The following PRICKLE2 variants were observed in gnomAD, a reference collection of about 807,000 sequenced individuals.
PRICKLE2 encodes the protein prickle-like protein 2.
A neutral mutation model predicts 81.4 loss-of-function variants in PRICKLE2; 21 were observed. That is an observed-to-expected ratio of 0.26 (90% CI 0.18 to 0.37). The LOEUF (loss-of-function observed/expected upper bound fraction) is 0.37, where lower values mean the gene tolerates loss of function less well. PRICKLE2 is among the 10% of genes least tolerant of loss of function. The pLI is 1.00. For synonymous variants in PRICKLE2, 456 were observed against 421.5 expected (o/e 1.08, Z -1.00); for missense variants, 940 against 1,109.0 (o/e 0.85, Z 2.16).
At chr3:64,173,514 C>T (rs534140851) in intron 2 of PRICKLE2, among the ~76,000 whole-genome samples, 1 of 152,020 alleles carries the variant, frequency 6.6e-6, no homozygotes, top group Non-Finnish European at 1.5e-5. Context: ...TTCATAATGG[C>T]TGTATTTAAC....
rs1168677008 is a variant in PRICKLE2, at chr3:64,093,014, G to GT, written c.*6036dup. Reference sequence around the variant, plus strand: ...AATGAAACTCTATACCCATTAAATAGTAACTCCCCATTCCCTCCTCCCTTC... The same window carrying GT: ...AATGAAACTCTATACCCATTAAATAGTTAACTCCCCATTCCCTCCTCCCTTC... On this transcript the variant is annotated 3_prime_UTR_variant, in exon 8 of 8. Coordinates refer to ENST00000638394, the MANE Select transcript of PRICKLE2 (RefSeq NM_198859.4). 6.5e-6 allele frequency: 1 copy of GT among 153,160 alleles called. No homozygotes were observed. The highest frequency in any genetic ancestry group is 2.1e-4 in the South Asian group (1 of 4,862). The allele number at this position is 153,160 out of a possible 1,614,324, so 9.5% of individuals were successfully genotyped here.
chr3:64,253,863 G>A (rs539902553), intron 2 of PRICKLE2, among the ~76,000 whole-genome samples: 4 of 152,242 alleles, frequency 2.6e-5, no homozygotes, highest in African/African-American at 7.2e-5. Context: ...CATGAGATCC[G>A]CTGGCCAGTG....
Position 64,165,966 on chromosome 3 carries a change from GTGTGTGTGTGTGTGTGTGTGT to G in PRICKLE2, c.145-2858_145-2838del, listed in dbSNP as rs2077823168. Among the ~76,000 whole-genome samples, 84 of 121,078 alleles carry G rather than the reference GTGTGTGTGTGTGTGTGTGTGT, an allele frequency of 6.9e-4. 1 individual carries two copies. Among genetic ancestry groups the G allele is most frequent in the Non-Finnish European group, 9.4e-4 (52 of 55,280 alleles). The allele number at this position is 121,078 out of a possible 152,430, so 79.4% of individuals were successfully genotyped here. ...AAAAATGGCAAACTGTTATAAAGGT[GTGTGTGTGTGTGTGTGTGTGT>G]GTGTGTGTGTGTGTGTGTGTGTGTG... On this transcript the variant is annotated intron_variant, in intron 2 of 7. Coordinates refer to ENST00000638394, the MANE Select transcript of PRICKLE2 (RefSeq NM_198859.4).
intron 6 of PRICKLE2, among the ~76,000 whole-genome samples, chr3:64,151,592 T>C (rs1190030791): frequency 6.6e-6 from 1 of 152,194 alleles, no homozygotes; most frequent in African/African-American, 2.4e-5. Context: ...AGGGGTATTG[T>C]TGCCATGGGC....
chr3:64,137,458 C>T (rs2077295332), intron 7 of PRICKLE2, among the ~76,000 whole-genome samples: 1 of 152,146 alleles, frequency 6.6e-6, no homozygotes, highest in African/African-American at 2.4e-5. Context: ...ATCTTTTCTC[C>T]CTGTCAGCAG....
In PRICKLE2 at chr3:64,094,491, C is replaced by T. The variant is rs1027301127; in HGVS notation, c.*4560G>A. On this transcript the variant is annotated 3_prime_UTR_variant, in exon 8 of 8. Transcript: ENST00000638394. The stretch of plus-strand genomic sequence containing the variant: ...CGTATTCAAAACACAGGAATGTTTT[C>T]CTAACACTATGTGACTTTCCCCTCC... 6.6e-6 allele frequency: 1 copy of T among 152,206 alleles called. No homozygotes were observed. The highest frequency in any genetic ancestry group is 2.4e-5 in the African/African-American group (1 of 41,454). 9.4% of individuals were successfully genotyped at this position (152,206 alleles called of 1,614,324 possible).
intron 2 of PRICKLE2, among the ~76,000 whole-genome samples, chr3:64,179,175 C>T (rs1372726450): frequency 1.3e-5 from 2 of 151,980 alleles, no homozygotes; most frequent in Non-Finnish European, 2.9e-5. Flanking sequence ...CTCCTGGGTT[C>T]AAGTGATTCT....
chr3:64,220,115 A>G (rs1198939956), intron 1 of PRICKLE2, among the ~76,000 whole-genome samples: 1 of 152,218 alleles, frequency 6.6e-6, no homozygotes, highest in African/African-American at 2.4e-5. Flanking sequence ...AAACCTTACC[A>G]GATTTTGTGA....
chr3:64,236,815 G>A lies in PRICKLE2; in HGVS notation c.129-37848C>T, dbSNP rs548776266. Among the ~76,000 whole-genome samples the A allele has an allele frequency of 9.8e-5, 15 of 152,304 alleles. No homozygotes were observed. In the South Asian group the frequency reaches 2.7e-3, roughly 27 times the overall value. On this transcript the variant is annotated intron_variant, in intron 2 of 8. Coordinates refer to the PRICKLE2 transcript ENST00000295902. ...TCCTCTGAAAAACATGAATGACGGT[G>A]ACAATTGTATTATCTTCACAAAGCA...
intron 5 of PRICKLE2, among the ~76,000 whole-genome samples, chr3:64,156,315 T>C (rs2077634482): frequency 6.6e-6 from 1 of 152,180 alleles, no homozygotes; most frequent in African/African-American, 2.4e-5. Context: ...GAAATGCCCA[T>C]GTAACAGTAG....
At chr3:64,145,943 T>A (rs961713919) in intron 7 of PRICKLE2, 1 of 152,152 alleles carries the variant, frequency 6.6e-6, no homozygotes, top group Non-Finnish European at 1.5e-5. Flanking sequence ...CCCCTTCTCC[T>A]AATGCCATCA....
chr3:64,247,683 T>C (rs950822744), intron 2 of PRICKLE2, among the ~76,000 whole-genome samples: 8 of 152,226 alleles, frequency 5.3e-5, no homozygotes, highest in Non-Finnish European at 1.2e-4. Context: ...TTAAACAACC[T>C]GGGCTATGAC....
chr3:64,160,202 T>G (rs2077709311), intron 3 of PRICKLE2, 125 bp from the exon 4 acceptor site: 4 of 1,007,972 alleles, frequency 4.0e-6, no homozygotes, highest in Non-Finnish European at 6.2e-6. Flanking sequence ...CGCCTGAACT[T>G]TAACCACAAC....
At chr3:64,233,457 A>C (rs1287291028) in intron 2 of PRICKLE2, among the ~76,000 whole-genome samples, 1 of 152,166 alleles carries the variant, frequency 6.6e-6, no homozygotes, top group Non-Finnish European at 1.5e-5. Context: ...TGTCACATGA[A>C]CACTGGCCCT....
At chr3:64,193,570 G>A (rs889915211) in intron 2 of PRICKLE2, among the ~76,000 whole-genome samples, 45 of 152,142 alleles carry the variant, frequency 3.0e-4, no homozygotes, top group African/African-American at 1.1e-3. Flanking sequence ...TCACATTTTT[G>A]TCCAAATCAA....
chr3:64,154,591 A>G (rs564800623), intron 5 of PRICKLE2: 40 of 152,212 alleles, frequency 2.6e-4, no homozygotes, highest in African/African-American at 8.9e-4. Context: ...GCTAGGGGCA[A>G]AAAAACAATA....
intron 2 of PRICKLE2, among the ~76,000 whole-genome samples, chr3:64,180,349 C>A (rs898854019): frequency 2.0e-5 from 3 of 151,990 alleles, no homozygotes; most frequent in African/African-American, 7.2e-5. Flanking sequence ...GCATTTTTAC[C>A]ACTTTTCAGC....
chr3:64,185,615 A>G (rs953576823), intron 2 of PRICKLE2, among the ~76,000 whole-genome samples: 1 of 152,136 alleles, frequency 6.6e-6, no homozygotes, highest in African/African-American at 2.4e-5. Context: ...TTCATTGTGC[A>G]TGATTAATAC....
chr3:64,238,443 C>T (rs1340976474), intron 2 of PRICKLE2, among the ~76,000 whole-genome samples: 5 of 144,750 alleles, frequency 3.5e-5, no homozygotes, highest in Non-Finnish European at 6.0e-5. Context: ...ACCGAGATCA[C>T]GCCACTGCAT....
Sources: allele counts gnomAD v4.1 joint callset (sites outside exome capture counted in the v4.1 genomes callset), GRCh38; gene constraint gnomAD v4.1.1; transcripts MANE v1.5; gene names NCBI Gene and HGNC (gene_info 2026-07-23, HGNC 2026-07-21).